PTPRD: variants seen among roughly 807,000 people sequenced by gnomAD.
The protein encoded by PTPRD is receptor-type tyrosine-protein phosphatase delta.
In PTPRD, 34 loss-of-function variants were observed where a neutral mutation model predicts 214.5. That is an observed-to-expected ratio of 0.16 (90% CI 0.12 to 0.21). The LOEUF is 0.21. Among genes scored for constraint, PTPRD ranks in the 10% least tolerant of loss-of-function variants. The pLI, the probability that PTPRD is intolerant of heterozygous loss-of-function variation, is 1.00. For synonymous variants in PTPRD, 1,128 were observed against 845.7 expected (o/e 1.33, Z -5.79); for missense variants, 2,545 against 2,398.7 (o/e 1.06, Z -1.27).
chr9:9,446,860 G>C (rs12348735), intron 8 of PTPRD, among the ~76,000 whole-genome samples: 12,897 of 152,152 alleles, frequency 0.085, 589 homozygotes, highest in Middle Eastern at 0.099. Flanking sequence ...CAAAGGACAT[G>C]AACAGACACT....
At chr9:9,105,533 G>C (rs1342761663) in intron 10 of PTPRD, among the ~76,000 whole-genome samples, 1 of 152,124 alleles carries the variant, frequency 6.6e-6, no homozygotes, top group Non-Finnish European at 1.5e-5. Flanking sequence ...CTCAGACTCA[G>C]CATATTGTCT....
chr9:8,916,520 C>A (rs1587974555), intron 11 of PTPRD, among the ~76,000 whole-genome samples: 2 of 152,148 alleles, frequency 1.3e-5, no homozygotes, highest in Non-Finnish European at 2.9e-5. Context: ...TGACGATGAA[C>A]TGGAGGTAGT....
chr9:9,299,608 A>T (rs904465984), intron 9 of PTPRD, among the ~76,000 whole-genome samples: 16 of 151,860 alleles, frequency 1.1e-4, no homozygotes, highest in Non-Finnish European at 1.9e-4. Context: ...TTGAAAGGTC[A>T]TATGTGCAAG....
intron 12 of PTPRD, among the ~76,000 whole-genome samples, chr9:8,660,156 C>T (rs2097008499): frequency 6.6e-6 from 1 of 152,124 alleles, no homozygotes; most frequent in Non-Finnish European, 1.5e-5. Flanking sequence ...AAATATTAAC[C>T]ACATTTGGTT....
At chr9:8,752,165 C>G (rs923552473) in intron 11 of PTPRD, among the ~76,000 whole-genome samples, 2 of 152,126 alleles carry the variant, frequency 1.3e-5, no homozygotes, top group African/African-American at 4.8e-5. Flanking sequence ...CATTCTCAGA[C>G]GGTTAGGGCA....
chr9:9,293,686 G>C (rs914376662), intron 9 of PTPRD, among the ~76,000 whole-genome samples: 1 of 151,442 alleles, frequency 6.6e-6, no homozygotes, highest in Non-Finnish European at 1.5e-5. Flanking sequence ...CAGTGGATGT[G>C]AATCTCAAAT....
At chr9:10,387,820 CTTTT>C (rs58959929) in intron 2 of PTPRD, among the ~76,000 whole-genome samples, 3 of 82,574 alleles carry the variant, frequency 3.6e-5, no homozygotes, top group African/African-American at 1.5e-4. Flanking sequence ...AAGATTTTGT[CTTTT>C]TTTTTTTTTT....
intron 2 of PTPRD, among the ~76,000 whole-genome samples, chr9:10,522,555 G>T (rs969362611): frequency 1.9e-4 from 29 of 152,060 alleles, no homozygotes; most frequent in African/African-American, 7.0e-4. Context: ...AAAAGTAATA[G>T]CAATAAAGGT....
At chr9:8,497,202 A>G (rs1389970710) in intron 26 of PTPRD, 40 bp downstream of exon 26, 3 of 1,545,242 alleles carry the variant, frequency 1.9e-6, no homozygotes, top group Non-Finnish European at 2.6e-6. Context: ...AAACAAGCAT[A>G]TATAGTCTGC....
chr9:10,364,388 T>C (rs1486338011), intron 2 of PTPRD, among the ~76,000 whole-genome samples: 1 of 152,040 alleles, frequency 6.6e-6, no homozygotes, highest in African/African-American at 2.4e-5. Flanking sequence ...GATGGGCTAA[T>C]CAAGGACTCT....
In PTPRD at chr9:8,317,920, C is replaced by G. The variant is rs200610422; in HGVS notation, c.5693G>C (p.Arg1898Pro). Residue 1898 changes from arginine (R) to proline (P), a missense_variant, in exon 46 of 46, where the codon CGT becomes CCT. Coordinates refer to ENST00000381196, the MANE Select transcript of PTPRD (RefSeq NM_002839.4). ...QTEDQYQFSY[R>P]AALEYLGSFD... is the part of the protein sequence containing the mutation. The stretch of plus-strand genomic sequence containing the variant: ...GCTGCCCAGGTACTCTAGTGCGGCA[C>G]GATAGGAAAACTGATATTGATCCTG... 4 of 1,611,414 alleles carry G rather than the reference C, an allele frequency of 2.5e-6. No homozygotes were observed. Among genetic ancestry groups the G allele is most frequent in the Non-Finnish European group, 3.4e-6 (4 of 1,178,492 alleles).
chr9:8,446,414 A>G (rs2095728323), intron 34 of PTPRD, among the ~76,000 whole-genome samples: 1 of 152,210 alleles, frequency 6.6e-6, no homozygotes, highest in Non-Finnish European at 1.5e-5. Context: ...GAACTAAGCA[A>G]TGTGCTTTCT....
intron 7 of PTPRD, among the ~76,000 whole-genome samples, chr9:9,632,274 A>G (rs976393887): frequency 6.6e-6 from 1 of 152,208 alleles, no homozygotes; most frequent in African/African-American, 2.4e-5. Context: ...CCTTGAAAAC[A>G]TTACACTAAG....
intron 3 of PTPRD, among the ~76,000 whole-genome samples, chr9:10,109,424 C>T (rs188657451): frequency 9.2e-5 from 14 of 152,270 alleles, no homozygotes; most frequent in African/African-American, 2.4e-4. Flanking sequence ...AATAAAATCG[C>T]ATGTACTACA....
At position 8,317,650 on chromosome 9, in the gene PTPRD, T is replaced by C; in HGVS notation, c.*224A>G. Reference sequence around the variant, plus strand: ...TAAATAAAATCCTTCAGATGCCTCATCAGTCAGGATTCTCTTCATTATTTT... The same window carrying C: ...TAAATAAAATCCTTCAGATGCCTCACCAGTCAGGATTCTCTTCATTATTTT... On this transcript the variant is annotated 3_prime_UTR_variant, in exon 46 of 46. Transcript: ENST00000381196. 2 of 384,816 alleles carry C rather than the reference T, an allele frequency of 5.2e-6. No homozygotes were observed. Among genetic ancestry groups the C allele is most frequent in the Middle Eastern group, 7.5e-4 (1 of 1,334 alleles). 23.8% of individuals were successfully genotyped at this position (384,816 alleles called of 1,614,324 possible).
chr9:8,738,933 G>T (rs181975246), intron 11 of PTPRD, among the ~76,000 whole-genome samples: 2 of 152,242 alleles, frequency 1.3e-5, no homozygotes, highest in East Asian at 1.9e-4. Flanking sequence ...ATGCATAAAA[G>T]ATATGCATTA....
At chr9:10,309,817 C>T (rs990475304) in intron 3 of PTPRD, among the ~76,000 whole-genome samples, 7 of 151,902 alleles carry the variant, frequency 4.6e-5, no homozygotes, top group East Asian at 1.9e-4. Flanking sequence ...TATTTTTAAA[C>T]GAAGAAACTT....
chr9:10,546,935 C>A (rs891753787), intron 2 of PTPRD, among the ~76,000 whole-genome samples: 2 of 151,960 alleles, frequency 1.3e-5, no homozygotes, highest in Admixed American at 1.3e-4. Context: ...CAAGTTTGAC[C>A]AGCACTGTAC....
At chr9:8,650,772 G>C (rs986998310) in intron 12 of PTPRD, among the ~76,000 whole-genome samples, 2 of 151,996 alleles carry the variant, frequency 1.3e-5, no homozygotes, top group Non-Finnish European at 2.9e-5. Context: ...ACATGTTGTA[G>C]GCATTCAATA....
Sources: allele counts gnomAD v4.1 joint callset (sites outside exome capture counted in the v4.1 genomes callset), GRCh38; gene constraint gnomAD v4.1.1; transcripts MANE v1.5; gene names NCBI Gene and HGNC (gene_info 2026-07-23, HGNC 2026-07-21).